Variants in IMMP2L observed in about 807,000 individuals in gnomAD.
IMMP2L encodes mitochondrial inner membrane protease subunit 2.
IMMP2L carries 18 observed loss-of-function variants against 19.3 expected under a neutral mutation model. That is an observed-to-expected ratio of 0.93 (90% CI 0.64 to 1.38). IMMP2L has a LOEUF of 1.38. Among genes scored for constraint, IMMP2L ranks in the 40% most tolerant of loss-of-function variants. The pLI is 0.00. For missense variants in IMMP2L, 233 were observed against 218.2 expected (o/e 1.07, Z -0.43); for synonymous variants, 76 against 73.0 (o/e 1.04, Z -0.21).
intron 3 of IMMP2L, among the ~76,000 whole-genome samples, chr7:111,345,004 G>GT (rs1322124893): frequency 6.6e-6 from 1 of 152,022 alleles, no homozygotes; most frequent in Non-Finnish European, 1.5e-5. Flanking sequence ...CTCAACTCGG[G>GT]TATAACAGTA....
intron 3 of IMMP2L, among the ~76,000 whole-genome samples, chr7:111,141,172 C>T (rs1308281702): frequency 6.6e-6 from 1 of 152,034 alleles, no homozygotes; most frequent in Non-Finnish European, 1.5e-5. Flanking sequence ...ATAAAATTAA[C>T]TCAGATTTTT....
At position 111,170,659 on chromosome 7, in the gene IMMP2L, G is replaced by A. The variant is rs115797255; in HGVS notation, c.240-207094C>T. ...TCTCCTAGAATGTCAAAATAATGAG[G>A]TCTGAGGGTTCCTATCATCTCCCTA... On this transcript the variant is annotated intron_variant, in intron 3 of 5. Transcript: ENST00000405709. 9.5e-3 allele frequency among the ~76,000 whole-genome samples: 1,450 copies of A among 151,886 alleles called. 24 individuals carry two copies. The highest frequency in any genetic ancestry group is 0.033 in the African/African-American group (1,364 of 41,482).
intron 1 of IMMP2L, among the ~76,000 whole-genome samples, chr7:111,542,773 T>C (rs1438366288): frequency 6.6e-6 from 1 of 152,136 alleles, no homozygotes; most frequent in Non-Finnish European, 1.5e-5. Context: ...GGAAGAAAAG[T>C]ACAAAGTCTA....
intron 5 of IMMP2L, among the ~76,000 whole-genome samples, chr7:110,666,731 T>C (rs1000150066): frequency 1.3e-5 from 2 of 152,192 alleles, no homozygotes; most frequent in African/African-American, 4.8e-5. Flanking sequence ...TCCACAGTGA[T>C]TACCCTGGCT....
chr7:110,961,333 A>C (rs1818914257), intron 4 of IMMP2L, among the ~76,000 whole-genome samples: 1 of 151,872 alleles, frequency 6.6e-6, no homozygotes, highest in Admixed American at 6.6e-5. Context: ...ATATCCTTTA[A>C]ATTATCTCTA....
chr7:111,270,200 T>TA (rs1372959110), intron 3 of IMMP2L, among the ~76,000 whole-genome samples: 1 of 151,906 alleles, frequency 6.6e-6, no homozygotes, highest in African/African-American at 2.4e-5. Context: ...GCCTTTTATT[T>TA]AAAAAAATAA....
At chr7:111,432,812 C>CA (rs1026896418) in intron 3 of IMMP2L, among the ~76,000 whole-genome samples, 5 of 150,562 alleles carry the variant, frequency 3.3e-5, no homozygotes, top group Non-Finnish European at 5.9e-5. Context: ...AAGATTCCAC[C>CA]AAAAAAACCT....
At chr7:111,004,635 CA>C (rs1824097867) in intron 3 of IMMP2L, among the ~76,000 whole-genome samples, 1 of 151,982 alleles carries the variant, frequency 6.6e-6, no homozygotes, top group African/African-American at 2.4e-5. Context: ...TATCATGGCC[CA>C]AAAAATTTGA....
chr7:111,030,795 TATGTGTGTACATAC>T (rs1374877606), intron 3 of IMMP2L, among the ~76,000 whole-genome samples: 5 of 14,096 alleles, frequency 3.5e-4, no homozygotes, highest in African/African-American at 1.4e-3. Context: ...TATATATGTG[TATGTGTGTACATAC>T]ATATGTGTGT....
chr7:110,959,317 C>T (rs984441512), intron 4 of IMMP2L, among the ~76,000 whole-genome samples: 2 of 151,918 alleles, frequency 1.3e-5, no homozygotes, highest in Admixed American at 6.6e-5. Flanking sequence ...GACCAAAGCA[C>T]CTTGCCTGTC....
At chr7:111,415,353 C>T (rs1379958882) in intron 3 of IMMP2L, among the ~76,000 whole-genome samples, 1 of 151,706 alleles carries the variant, frequency 6.6e-6, no homozygotes, top group Non-Finnish European at 1.5e-5. Flanking sequence ...GATTATAGCC[C>T]AGGGGAGACC....
At chr7:111,497,255 T>C (rs1202719500) in intron 2 of IMMP2L, among the ~76,000 whole-genome samples, 1 of 152,158 alleles carries the variant, frequency 6.6e-6, no homozygotes, top group Non-Finnish European at 1.5e-5. Flanking sequence ...ATCTTGTCCT[T>C]AGACTTGAAA....
At chr7:111,046,566 A>G (rs1344923198) in intron 3 of IMMP2L, among the ~76,000 whole-genome samples, 1 of 152,174 alleles carries the variant, frequency 6.6e-6, no homozygotes, top group Non-Finnish European at 1.5e-5. Context: ...TAAAAAGAAA[A>G]GCTTTTCTCA....
intron 3 of IMMP2L, among the ~76,000 whole-genome samples, chr7:111,082,855 CAAAA>C (rs59384730): frequency 1.4e-5 from 1 of 71,176 alleles, no homozygotes; most frequent in Non-Finnish European, 3.3e-5. Flanking sequence ...GCGATTTTGC[CAAAA>C]AAAAAAAAAA....
intron 3 of IMMP2L, among the ~76,000 whole-genome samples, chr7:111,035,785 C>T (rs2129569823): frequency 6.6e-6 from 1 of 152,222 alleles, no homozygotes; most frequent in Non-Finnish European, 1.5e-5. Context: ...TCCTTCTTAA[C>T]TATCTATATT....
chr7:111,097,673 C>T (rs1422464149), intron 3 of IMMP2L, among the ~76,000 whole-genome samples: 2 of 151,850 alleles, frequency 1.3e-5, no homozygotes, highest in African/African-American at 2.4e-5. Context: ...TACTGTATCG[C>T]TATATTTATA....
chr7:111,522,821 G>C (rs2132690238), intron 1 of IMMP2L, among the ~76,000 whole-genome samples: 1 of 151,688 alleles, frequency 6.6e-6, no homozygotes, highest in Non-Finnish European at 1.5e-5. Flanking sequence ...ATATTGAAGA[G>C]ATATTTGCAC....
Position 110,733,196 on chromosome 7 carries a change from C to T in IMMP2L, c.409-69475G>A, listed in dbSNP as rs146888975. Among the ~76,000 whole-genome samples the T allele has an allele frequency of 2.2e-4, 33 of 152,262 alleles. 1 individual carries two copies. In the East Asian group the frequency reaches 3.5e-3, roughly 16 times the overall value. ...ATAGTTATGCTGTCTGGTGCTAGTACGACAGCTCTACAGGGTTGTCAGGGA... is the reference window on the plus strand; with the variant it reads ...ATAGTTATGCTGTCTGGTGCTAGTATGACAGCTCTACAGGGTTGTCAGGGA... On this transcript the variant is annotated intron_variant, in intron 5 of 5. Coordinates refer to ENST00000405709, the MANE Select transcript of IMMP2L (RefSeq NM_032549.4).
chr7:111,168,936 CA>C (rs1196634554), intron 3 of IMMP2L, among the ~76,000 whole-genome samples: 2 of 151,632 alleles, frequency 1.3e-5, no homozygotes, highest in Middle Eastern at 3.2e-3. Context: ...TCTGGAGGCC[CA>C]AAAACAAGGT....
Sources: gnomAD v4.1 joint callset for allele counts (sites outside exome capture counted in the v4.1 genomes callset) on GRCh38, gnomAD v4.1.1 for gene constraint, MANE v1.5 for transcripts, NCBI Gene and HGNC (gene_info 2026-07-23, HGNC 2026-07-21) for gene names.